Variants in HSPH1 observed in about 807,000 individuals in gnomAD.
The protein encoded by HSPH1 is heat shock protein 105 kDa.
Under a neutral mutation model 100.0 loss-of-function variants are expected in HSPH1, and 40 were observed. The ratio of observed to expected loss-of-function variants is 0.40; its 90% CI spans 0.31 to 0.52. The LOEUF is 0.52. Ranked by LOEUF, HSPH1 falls within the 20% of genes least tolerant of loss-of-function variation. HSPH1 has a pLI of 0.54. For synonymous variants in HSPH1, 403 were observed against 344.0 expected (o/e 1.17, Z -1.90); for missense variants, 876 against 1,015.1 (o/e 0.86, Z 1.86).
Position 31,154,687 on chromosome 13 carries a change from C to T in HSPH1, c.375G>A (p.Leu125=). ...EQITAMLLTK[L]KETAENSLKK... is the part of the protein sequence containing the mutation. Reference sequence around the variant, plus strand: ...TGAGGCTGTTTTCAGCAGTTTCCTTCAGCTTAGTCAACAACATGGCTGTTA... The same window carrying T: ...TGAGGCTGTTTTCAGCAGTTTCCTTTAGCTTAGTCAACAACATGGCTGTTA... The change falls in exon 4 of 18, where the codon CTG becomes CTA. Residue 125 remains leucine (L), a synonymous_variant. Transcript: ENST00000320027. The T allele has an allele frequency of 6.2e-7, 1 of 1,613,990 alleles. No individual in the cohort carries two copies. Among genetic ancestry groups the T allele is most frequent in the Non-Finnish European group, 8.5e-7 (1 of 1,179,888 alleles).
rs1053752287 is a variant in HSPH1 at position 31,136,136 on chromosome 13, T to C, written c.*1182A>G. Reference sequence around the variant, plus strand: ...ATTTTGTGCTTACAAAACAACCAGATAGATTCATTGCAGCATTATTTAGAA... The same window carrying C: ...ATTTTGTGCTTACAAAACAACCAGACAGATTCATTGCAGCATTATTTAGAA... On this transcript the variant is annotated 3_prime_UTR_variant, in exon 18 of 18. Transcript: ENST00000320027. The C allele has an allele frequency of 2.0e-5, 3 of 152,194 alleles. No homozygotes were observed. Among genetic ancestry groups the C allele is most frequent in the Non-Finnish European group, 2.9e-5 (2 of 68,034 alleles). 9.4% of individuals were successfully genotyped at this position (152,194 alleles called of 1,614,324 possible). A position where few individuals can be genotyped will look rare whatever the true frequency, so the allele number is the denominator to read the frequency against.
intron 1 of HSPH1, among the ~76,000 whole-genome samples, chr13:31,160,589 C>T (rs1173372379): frequency 6.6e-6 from 1 of 152,084 alleles, no homozygotes; most frequent in Non-Finnish European, 1.5e-5. Context: ...CGAAAATATC[C>T]CTTCACGAAA....
rs1250509214 is a variant in HSPH1, at chr13:31,143,880, T to C, written c.1628A>G (p.Gln543Arg). The C allele has an allele frequency of 2.5e-6, 4 of 1,610,218 alleles. No homozygotes were observed. Among genetic ancestry groups the C allele is most frequent in the Admixed American group, 1.7e-5 (1 of 59,534 alleles). The change falls in exon 12 of 18, where the codon CAG (glutamine) becomes CGG (arginine). Residue 543 changes from glutamine (Q) to arginine (R), a missense_variant. By Grantham distance (43) the Gln-to-Arg change is conservative. Coordinates refer to ENST00000320027, the MANE Select transcript of HSPH1 (RefSeq NM_006644.4). ...QDNSEAGTQP[Q>R]VQTDAQQTSQ... ...GGTTTGTTGAGCATCAGTTTGTACCTGGGGCTGTGTTCCAGCTTCACTGTT... is the reference window on the plus strand; with the variant it reads ...GGTTTGTTGAGCATCAGTTTGTACCCGGGGCTGTGTTCCAGCTTCACTGTT...
At chr13:31,157,176 T>TA (rs1431853097) in intron 2 of HSPH1, among the ~76,000 whole-genome samples, 2 of 152,252 alleles carry the variant, frequency 1.3e-5, no homozygotes, top group Non-Finnish European at 1.5e-5. Flanking sequence ...TGAGATGAAG[T>TA]ATGTCTAGTA....
In HSPH1 at chr13:31,135,297, T is replaced by G. The variant is rs1032097491; in HGVS notation, c.*2021A>C. The stretch of plus-strand genomic sequence containing the variant: ...TTTTCCCATTCACAGTTTTTAAAAA[T>G]CTTTTTTAATGGATGTCCTAATTGT... On this transcript the variant is annotated 3_prime_UTR_variant, in exon 18 of 18. Transcript: ENST00000320027. 1 of 152,216 alleles carries G rather than the reference T, an allele frequency of 6.6e-6. No homozygotes were observed. The highest frequency in any genetic ancestry group is 1.5e-5 in the Non-Finnish European group (1 of 68,030). 9.4% of individuals were successfully genotyped at this position (152,216 alleles called of 1,614,324 possible). A position where few individuals can be genotyped will look rare whatever the true frequency, so the allele number is the denominator to read the frequency against.
chr13:31,138,676 A>G, intron 16 of HSPH1, 105 bp downstream of exon 16: 1 of 1,521,524 alleles, frequency 6.6e-7, no homozygotes, highest in Non-Finnish European at 8.8e-7. Flanking sequence ...AACCTCAAAT[A>G]CCAAAATTTC....
At chr13:31,151,285 G>A in intron 6 of HSPH1, 94 bp from the exon 7 acceptor site, 1 of 992,008 alleles carries the variant, frequency 1.0e-6, no homozygotes, top group Non-Finnish European at 1.5e-6. Context: ...GAAAGACTAA[G>A]AGACTCAAGA....
At chr13:31,162,035 C>A (rs1157896803), upstream of HSPH1, 1 of 1,536,170 alleles carries the variant, frequency 6.5e-7, no homozygotes, top group Admixed American at 2.0e-5. Context: ...CTTCTCGAGC[C>A]TTCTGGAAAG....
chr13:31,151,454 T>C, intron 6 of HSPH1, 155 bp downstream of exon 6: 1 of 716,272 alleles, frequency 1.4e-6, no homozygotes, highest in East Asian at 2.8e-5. Context: ...ATCATCTTTA[T>C]GGAGCTCAAC....
chr13:31,156,319 G>C (rs1197033028), intron 2 of HSPH1, among the ~76,000 whole-genome samples: 1 of 152,164 alleles, frequency 6.6e-6, no homozygotes, highest in African/African-American at 2.4e-5. Context: ...GAACCCAGGA[G>C]GCGGAGCTTG....
At chr13:31,139,332 A>G in intron 14 of HSPH1, 1 of 498,298 alleles carries the variant, frequency 2.0e-6, no homozygotes, top group East Asian at 3.1e-5. Context: ...CTAGAAGAGT[A>G]TCTTCCTGCT....
At chr13:31,152,701 C>A in intron 5 of HSPH1, 151 bp downstream of exon 5, 1 of 564,060 alleles carries the variant, frequency 1.8e-6, no homozygotes, top group Non-Finnish European at 3.2e-6. Flanking sequence ...TTCTCATTAA[C>A]CATAAGCATT....
At position 31,161,523 on chromosome 13, in the gene HSPH1, G is replaced by C; in HGVS notation, c.60C>G (p.Ala20=). Residue 20 remains alanine, a synonymous_variant, in exon 1 of 18, where the codon GCC becomes GCG. Coordinates refer to ENST00000320027, the MANE Select transcript of HSPH1 (RefSeq NM_006644.4). The part of the protein sequence containing the change: ...SQSCYIAVAR[A]GGIETIANEF... ...CATTGGCGATGGTCTCGATGCCCCC[G>C]GCCCGGGCTACCGCGATGTAGCAGC... The C allele has an allele frequency of 6.2e-7, 1 of 1,613,900 alleles. No homozygotes were observed. Among genetic ancestry groups the C allele is most frequent in the South Asian group, 1.1e-5 (1 of 91,068 alleles).
In HSPH1 at chr13:31,151,011, T is replaced by C. The variant is rs1956466950; in HGVS notation, c.844A>G (p.Thr282Ala). 1 of 1,613,638 alleles carries C rather than the reference T, an allele frequency of 6.2e-7. No homozygotes were observed. Among genetic ancestry groups the C allele is most frequent in the Non-Finnish European group, 8.5e-7 (1 of 1,179,644 alleles). The change falls in exon 7 of 18, where the codon ACA becomes GCA. Residue 282 changes from threonine to alanine, a missense_variant. By Grantham distance (58) the Thr-to-Ala change is moderately conservative. Coordinates refer to ENST00000320027, the MANE Select transcript of HSPH1 (RefSeq NM_006644.4). ...KLKKLMSSNS[T>A]DLPLNIECFM... ...CATTCGATATTCAGTGGAAGGTCTG[T>C]GCTGTTAGAGCTCATTAGCTTTTTC...
Position 31,139,031 on chromosome 13 carries a change from T to C in HSPH1, c.2057A>G (p.Gln686Arg). 1 of 1,613,110 alleles carries C rather than the reference T, an allele frequency of 6.2e-7. No homozygotes were observed. The highest frequency in any genetic ancestry group is 8.5e-7 in the Non-Finnish European group (1 of 1,179,216). Residue 686 changes from glutamine to arginine, a missense_variant, in exon 15 of 18, where the codon CAA (glutamine) becomes CGA (arginine). Physicochemically the swap from Gln to Arg is conservative, Grantham distance 43 (BLOSUM62 1). Coordinates refer to ENST00000320027, the MANE Select transcript of HSPH1 (RefSeq NM_006644.4). ...TTCTTCCAACTTGTCAACATATGCTTGTTTAGCTTGGTCCTCTCCTTCTTC... is the reference window on the plus strand; with the variant it reads ...TTCTTCCAACTTGTCAACATATGCTCGTTTAGCTTGGTCCTCTCCTTCTTC... ...LYEEGEDQAK[Q>R]AYVDKLEELM...
At chr13:31,158,532 G>A (rs138107349) in intron 2 of HSPH1, among the ~76,000 whole-genome samples, 1 of 115,328 alleles carries the variant, frequency 8.7e-6, no homozygotes, top group Non-Finnish European at 1.6e-5. Context: ...CTGGGTAACA[G>A]AGCGAGACTC....
In HSPH1 at chr13:31,161,836, C is replaced by T. The variant is rs1400378226; in HGVS notation, c.-254G>A. The T allele has an allele frequency of 1.1e-5, 16 of 1,476,132 alleles. No homozygotes were observed. The highest frequency in any genetic ancestry group is 2.8e-5 in the African/African-American group (2 of 71,360). 91.4% of individuals were successfully genotyped at this position (1,476,132 alleles called of 1,614,324 possible). A position where few individuals can be genotyped will look rare whatever the true frequency, so the allele number is the denominator to read the frequency against. On this transcript the variant is annotated 5_prime_UTR_variant, in exon 1 of 18. Transcript: ENST00000320027. ...GGGGCTCAGCCTCCGCAGGTCGCTCCGCACCTCGGGTTGCCTGCCTCACTC... is the reference window on the plus strand; with the variant it reads ...GGGGCTCAGCCTCCGCAGGTCGCTCTGCACCTCGGGTTGCCTGCCTCACTC...
chr13:31,138,499 C>T lies in HSPH1; in HGVS notation c.2278G>A (p.Glu760Lys). 1 of 1,612,918 alleles carries T rather than the reference C, an allele frequency of 6.2e-7. No homozygotes were observed. Among genetic ancestry groups the T allele is most frequent in the Non-Finnish European group, 8.5e-7 (1 of 1,179,060 alleles). Residue 760 changes from glutamate to lysine, a missense_variant, in exon 17 of 18, where the codon GAA becomes AAA. Transcript: ENST00000320027. ...GCATTCATGACATTATTCATCCATT[C>T]CATCACTTCATTAACAGACTTCTCC... ...KVEKSVNEVM[E>K]WMNNVMNAQA...
chr13:31,143,964 T>G lies in HSPH1; in HGVS notation c.1585-41A>C, dbSNP rs769088428. On this transcript the variant is annotated intron_variant, in intron 11 of 17. Coordinates refer to ENST00000320027, the MANE Select transcript of HSPH1 (RefSeq NM_006644.4). The stretch of plus-strand genomic sequence containing the variant: ...AGGCACAAAGGATGTAGAAAGCAGG[T>G]GTACTTGTATAAATTTTTAAAGTTA... 8 of 1,484,376 alleles carry G rather than the reference T, an allele frequency of 5.4e-6. No homozygotes were observed. In the Admixed American group the frequency reaches 1.9e-4, roughly 35 times the overall value. 92.0% of individuals were successfully genotyped at this position (1,484,376 alleles called of 1,614,324 possible).
Sources: allele counts gnomAD v4.1 joint callset (sites outside exome capture counted in the v4.1 genomes callset), GRCh38; gene constraint gnomAD v4.1.1; transcripts MANE v1.5; gene names NCBI Gene and HGNC (gene_info 2026-07-23, HGNC 2026-07-21).